Variants in CSMD3 observed in about 807,000 individuals in gnomAD.
CSMD3 encodes CUB and sushi domain-containing protein 3.
In CSMD3, 177 loss-of-function variants were observed where a neutral mutation model predicts 435.2. The ratio of observed to expected loss-of-function variants is 0.41; its 90% confidence interval spans 0.36 to 0.46. The LOEUF is 0.46. Among genes scored for constraint, CSMD3 ranks in the 20% least tolerant of loss-of-function variants. The pLI is 0.34. For missense variants in CSMD3, 4,265 were observed against 4,504.6 expected, an observed-to-expected ratio of 0.95 and a Z score of 1.52; for synonymous variants, 1,656 against 1,520.5, an observed-to-expected ratio of 1.09 and a Z score of -2.07.
chr8:112,756,136 C>G (rs1419187460), intron 13 of CSMD3, among the ~76,000 whole-genome samples: 2 of 152,102 alleles, frequency 1.3e-5, no homozygotes, highest in African/African-American at 2.4e-5. Flanking sequence ...ATCGTGAGGG[C>G]TGCCACTTCC....
At chr8:112,455,612 T>C in intron 32 of CSMD3, among the ~76,000 whole-genome samples, 1 of 51,938 alleles carries the variant, frequency 1.9e-5, no homozygotes, top group East Asian at 6.9e-4. Context: ...AATAAATAAA[T>C]AAATAAATAA....
intron 27 of CSMD3, among the ~76,000 whole-genome samples, chr8:112,520,041 A>G (rs1175993843): frequency 1.3e-5 from 2 of 152,076 alleles, no homozygotes; most frequent in Non-Finnish European, 2.9e-5. Context: ...CATATTTATA[A>G]CATCTTAAAT....
At chr8:113,048,364 A>T (rs1372482987) in intron 5 of CSMD3, among the ~76,000 whole-genome samples, 1 of 152,170 alleles carries the variant, frequency 6.6e-6, no homozygotes, top group African/African-American at 2.4e-5. Flanking sequence ...AAGTGCTGGG[A>T]TTACAGGCGT....
At chr8:113,339,325 A>T (rs1212505693) in intron 1 of CSMD3, among the ~76,000 whole-genome samples, 3 of 152,098 alleles carry the variant, frequency 2.0e-5, no homozygotes, top group African/African-American at 7.2e-5. Flanking sequence ...AGTACATCAA[A>T]AATCCCAGTA....
intron 5 of CSMD3, among the ~76,000 whole-genome samples, chr8:113,060,266 T>C (rs894887298): frequency 4.8e-5 from 7 of 145,314 alleles, no homozygotes; most frequent in Admixed American, 2.8e-4. Flanking sequence ...GTTCTTGCGA[T>C]AGTTTACTGA....
intron 5 of CSMD3, among the ~76,000 whole-genome samples, chr8:113,076,589 A>G (rs2089347051): frequency 6.6e-6 from 1 of 152,128 alleles, no homozygotes; most frequent in South Asian, 2.1e-4. Flanking sequence ...TAATTTAGAC[A>G]TAGAGCTATC....
intron 31 of CSMD3, among the ~76,000 whole-genome samples, chr8:112,487,259 G>A (rs1820232909): frequency 1.3e-5 from 2 of 152,186 alleles, no homozygotes; most frequent in Non-Finnish European, 1.5e-5. Context: ...TGAGGAGCAC[G>A]GGGAGGGTAA....
intron 13 of CSMD3, among the ~76,000 whole-genome samples, chr8:112,737,514 G>A (rs540052106): frequency 6.6e-6 from 1 of 151,876 alleles, no homozygotes; most frequent in Admixed American, 6.6e-5. Flanking sequence ...AAGTTTTAAA[G>A]AAAAAGTACT....
chr8:113,245,455 C>T (rs1371578158), intron 3 of CSMD3, among the ~76,000 whole-genome samples: 1 of 151,890 alleles, frequency 6.6e-6, no homozygotes, highest in African/African-American at 2.4e-5. Flanking sequence ...TAGATTAAAA[C>T]ACATGCATTT....
chr8:112,387,653 C>CT (rs1471615636), intron 36 of CSMD3, among the ~76,000 whole-genome samples: 4 of 152,062 alleles, frequency 2.6e-5, no homozygotes, highest in Non-Finnish European at 4.4e-5. Context: ...AAACGTGCTG[C>CT]TAAACTCAAA....
At chr8:113,072,338 G>A (rs7829954) in intron 5 of CSMD3, among the ~76,000 whole-genome samples, 101,934 of 151,534 alleles carry the variant, frequency 0.67, 35,890 homozygotes, top group East Asian at 0.95. Context: ...TGTGGGACAG[G>A]AGTAGTGCTA....
rs2077534150 is a variant in CSMD3 at position 112,750,146 on chromosome 8, G to C, written c.1972+50016C>G. On this transcript the variant is annotated intron_variant, in intron 13 of 70. Coordinates refer to ENST00000297405, the MANE Select transcript of CSMD3 (RefSeq NM_198123.2). ...TAAAACAAAATCCAATCTTAGACTAGTATGGCATAAGAAGAGCTTTGTGTG... is the reference window on the plus strand; with the variant it reads ...TAAAACAAAATCCAATCTTAGACTACTATGGCATAAGAAGAGCTTTGTGTG... Among the ~76,000 whole-genome samples, 3 of 151,964 alleles carry C rather than the reference G, an allele frequency of 2.0e-5. No homozygotes were observed. The South Asian group carries it at 6.2e-4, about 32-fold the overall frequency.
At position 112,405,209 on chromosome 8, in the gene CSMD3, ACC is replaced by A. The variant is rs767203561; in HGVS notation, c.5809+1313_5809+1314del. Among the ~76,000 whole-genome samples the A allele has an allele frequency of 1.6e-4, 5 of 31,492 alleles. 2 individuals are homozygous for A. The highest frequency in any genetic ancestry group is 8.3e-4 in the Admixed American group (2 of 2,398). 20.7% of individuals were successfully genotyped at this position (31,492 alleles called of 152,430 possible). ...AAAAAAAAAAAAAAAAAAAAAAAAAACCCCCATATATATATATATATATATAT... is the reference window on the plus strand; with the variant it reads ...AAAAAAAAAAAAAAAAAAAAAAAAAACCCATATATATATATATATATATAT... On this transcript the variant is annotated intron_variant, in intron 35 of 70. Coordinates refer to ENST00000297405, the MANE Select transcript of CSMD3 (RefSeq NM_198123.2).
chr8:112,649,953 CAGAT>C (rs1190307353), intron 19 of CSMD3, among the ~76,000 whole-genome samples: 1 of 152,056 alleles, frequency 6.6e-6, no homozygotes, highest in Non-Finnish European at 1.5e-5. Flanking sequence ...GGTAGATACA[CAGAT>C]AGTATCTTTA....
In CSMD3 at chr8:112,357,783, C is replaced by T. The variant is rs531506295; in HGVS notation, c.6137-5249G>A. Among the ~76,000 whole-genome samples, 76 of 152,296 alleles carry T rather than the reference C, an allele frequency of 5.0e-4. 1 individual carries two copies. Among genetic ancestry groups the T allele is most frequent in the African/African-American group, 1.8e-3 (74 of 41,576 alleles). On this transcript the variant is annotated intron_variant, in intron 38 of 70. Coordinates refer to ENST00000297405, the MANE Select transcript of CSMD3 (RefSeq NM_198123.2). ...AGATTTCAGAAGATGTATAGAAATG[C>T]CTGGATTTCCAGGTAGAAGTTTGCT...
chr8:112,333,507 C>T (rs1010120487), intron 45 of CSMD3, among the ~76,000 whole-genome samples: 5 of 152,104 alleles, frequency 3.3e-5, no homozygotes, highest in African/African-American at 1.2e-4. Flanking sequence ...TTCTATCACA[C>T]ATGTCTCAAA....
intron 22 of CSMD3, among the ~76,000 whole-genome samples, chr8:112,613,530 G>C (rs1467567698): frequency 6.6e-6 from 1 of 151,978 alleles, no homozygotes; most frequent in Admixed American, 6.6e-5. Context: ...GAACCAAATT[G>C]GTTGTAAACC....
intron 5 of CSMD3, among the ~76,000 whole-genome samples, chr8:113,040,179 G>C (rs1202953063): frequency 5.9e-5 from 9 of 152,152 alleles, no homozygotes; most frequent in Admixed American, 5.2e-4. Context: ...AGTTATATGA[G>C]ATATATCATA....
At chr8:112,721,156 G>T (rs557123204) in intron 13 of CSMD3, among the ~76,000 whole-genome samples, 1 of 151,868 alleles carries the variant, frequency 6.6e-6, no homozygotes, top group South Asian at 2.1e-4. Context: ...ATTACAGAAT[G>T]TTTCCTTGAC....
Sources: gnomAD v4.1 joint callset for allele counts (sites outside exome capture counted in the v4.1 genomes callset) on GRCh38, gnomAD v4.1.1 for gene constraint, MANE v1.5 for transcripts, NCBI Gene and HGNC (gene_info 2026-07-23, HGNC 2026-07-21) for gene names.